Variants in TLCD4 observed in about 807,000 individuals in gnomAD.
The protein encoded by TLCD4 is TLC domain-containing protein 4.
Under a neutral mutation model 24.2 loss-of-function variants are expected in TLCD4, and 7 were observed. That is an observed-to-expected ratio of 0.29 (90% CI 0.16 to 0.54). TLCD4 has a LOEUF of 0.54. Ranked by LOEUF, TLCD4 falls within the 20% of genes least tolerant of loss-of-function variation. The pLI, the probability that TLCD4 is intolerant of heterozygous loss-of-function variation, is 0.95. For missense variants in TLCD4, 259 were observed against 313.9 expected, an observed-to-expected ratio of 0.82 and a Z score of 1.32; for synonymous variants, 103 against 106.4, an observed-to-expected ratio of 0.97 and a Z score of 0.20.
intron 1 of TLCD4, among the ~76,000 whole-genome samples, chr1:95,119,578 G>T (rs972317619): frequency 6.6e-6 from 1 of 152,158 alleles, no homozygotes; most frequent in African/African-American, 2.4e-5. Flanking sequence ...GCAGGTTTGG[G>T]AATGTACCTG....
intron 5 of TLCD4, among the ~76,000 whole-genome samples, chr1:95,155,436 G>A (rs1351558391): frequency 6.6e-6 from 1 of 152,048 alleles, no homozygotes; most frequent in Non-Finnish European, 1.5e-5. Context: ...CAACAATAAA[G>A]TATCAGAATT....
chr1:95,111,133 TAAAA>T, the TLCD4 span, among the ~76,000 whole-genome samples: 80,530 of 146,680 alleles, frequency 0.55, 22,271 homozygotes, highest in Admixed American at 0.64. Context: ...CCACATAAAA[TAAAA>T]AAAAAAAAAG....
At chr1:95,185,174 T>C (rs1678788065) in intron 6 of TLCD4, among the ~76,000 whole-genome samples, 1 of 152,180 alleles carries the variant, frequency 6.6e-6, no homozygotes, top group Admixed American at 6.5e-5. Flanking sequence ...TGACTCTCCT[T>C]TCAAAAAACT....
At chr1:95,153,512 A>G (rs1677547990) in intron 5 of TLCD4, among the ~76,000 whole-genome samples, 2 of 152,202 alleles carry the variant, frequency 1.3e-5, no homozygotes, top group African/African-American at 4.8e-5. Context: ...ATAAGGATAA[A>G]GAATGACCTG....
chr1:95,111,279 C>G, the TLCD4 span, among the ~76,000 whole-genome samples: 2 of 146,314 alleles, frequency 1.4e-5, no homozygotes, highest in African/African-American at 5.0e-5. Flanking sequence ...GGAAGACAGA[C>G]AGATTGTGTC....
At position 95,166,133 on chromosome 1, in the gene TLCD4, G is replaced by T. The variant is rs552031136; in HGVS notation, c.400-7683G>T. ...ATAGTTTTGGAACTTTTGAATAGCA[G>T]TCCCAGGTTGCAGTGAGCTGCTTAC... On this transcript the variant is annotated intron_variant, in intron 5 of 6. Coordinates refer to ENST00000370203, the MANE Select transcript of TLCD4 (RefSeq NM_152487.3). Among the ~76,000 whole-genome samples the T allele has an allele frequency of 1.1e-3, 162 of 152,280 alleles. 1 individual carries two copies. The highest frequency in any genetic ancestry group is 6.8e-3 in the South Asian group (33 of 4,822).
At position 95,193,550 on chromosome 1, in the gene TLCD4, C is replaced by G. The variant is rs1371579971; in HGVS notation, c.*1682C>G. ...TGAAGGAGAACGTTTGACTCACTTT[C>G]ATTGTTCATGCTAGCTGAATATAAT... is the stretch of plus-strand genomic sequence containing the variant. On this transcript the variant is annotated 3_prime_UTR_variant, in exon 7 of 7. Coordinates refer to ENST00000370203, the MANE Select transcript of TLCD4 (RefSeq NM_152487.3). 1 of 152,032 alleles carries G rather than the reference C, an allele frequency of 6.6e-6. No individual in the cohort carries two copies. Among genetic ancestry groups the G allele is most frequent in the East Asian group, 1.9e-4 (1 of 5,200 alleles). 9.4% of individuals were successfully genotyped at this position (152,032 alleles called of 1,614,324 possible).
chr1:95,118,906 C>G (rs893638965), intron 1 of TLCD4, among the ~76,000 whole-genome samples: 3 of 152,186 alleles, frequency 2.0e-5, no homozygotes, highest in African/African-American at 4.8e-5. Context: ...CCTGTGCCAT[C>G]TGATAACCCA....
chr1:95,173,714 G>T, intron 5 of TLCD4, 102 bp from the exon 6 acceptor site: 1 of 1,476,204 alleles, frequency 6.8e-7, no homozygotes, highest in South Asian at 1.2e-5. Context: ...TTTTGGTATT[G>T]ATTGTTATAT....
chr1:95,157,463 C>T (rs1677665329), intron 5 of TLCD4, among the ~76,000 whole-genome samples: 1 of 152,288 alleles, frequency 6.6e-6, no homozygotes, highest in Admixed American at 6.5e-5. Context: ...AATATGAAGG[C>T]TCTTCTGTTG....
At position 95,191,971 on chromosome 1, in the gene TLCD4, T is replaced by C; in HGVS notation, c.*103T>C. ...GTACCTTTCTTAATTATAATTGTTA[T>C]TCAGGATTTCAGTGTCATTTTTTTT... On this transcript the variant is annotated 3_prime_UTR_variant, in exon 7 of 7. Transcript: ENST00000370203. 6.8e-7 allele frequency: 1 copy of C among 1,464,306 alleles called. No homozygotes were observed. 90.7% of individuals were successfully genotyped at this position (1,464,306 alleles called of 1,614,324 possible).
At chr1:95,167,358 A>G (rs918457618) in intron 5 of TLCD4, among the ~76,000 whole-genome samples, 1 of 152,116 alleles carries the variant, frequency 6.6e-6, no homozygotes, top group Admixed American at 6.5e-5. Flanking sequence ...TAATTTGCTC[A>G]AATAGAGGAA....
intron 1 of TLCD4, among the ~76,000 whole-genome samples, chr1:95,140,340 G>A (rs770326787): frequency 1.6e-4 from 24 of 152,080 alleles, no homozygotes; most frequent in Non-Finnish European, 3.1e-4. Context: ...TGGCTACAGC[G>A]TCTCTAGGTG....
chr1:95,104,598 G>A, the TLCD4 span, among the ~76,000 whole-genome samples: 2 of 144,896 alleles, frequency 1.4e-5, no homozygotes, highest in Admixed American at 7.2e-5. Context: ...TCCGGGGGGC[G>A]GAGCCTGCAA....
chr1:95,188,548 TC>T (rs34381374), intron 6 of TLCD4, among the ~76,000 whole-genome samples: 1 of 151,968 alleles, frequency 6.6e-6, no homozygotes, highest in African/African-American at 2.4e-5. Flanking sequence ...TTGTTTCTTC[TC>T]CCCTATTCAT....
the TLCD4 span, among the ~76,000 whole-genome samples, chr1:95,105,822 G>A: frequency 6.7e-6 from 1 of 149,512 alleles, no homozygotes; most frequent in Non-Finnish European, 1.5e-5. Flanking sequence ...GTGAACCCGC[G>A]AGGCGGAGTT....
At chr1:95,143,549 A>C (rs1321098687) in intron 1 of TLCD4, among the ~76,000 whole-genome samples, 1 of 152,172 alleles carries the variant, frequency 6.6e-6, no homozygotes, top group African/African-American at 2.4e-5. Context: ...ATTTGTCATA[A>C]ATTTAATTGA....
Position 95,175,159 on chromosome 1 carries a change from T to C in TLCD4, c.473+1270T>C, listed in dbSNP as rs371515022. 2.2e-4 allele frequency among the ~76,000 whole-genome samples: 33 copies of C among 152,334 alleles called. No individual in the cohort carries two copies. The East Asian group carries it at 5.4e-3, about 25-fold the overall frequency. On this transcript the variant is annotated intron_variant, in intron 6 of 6. Coordinates refer to ENST00000370203, the MANE Select transcript of TLCD4 (RefSeq NM_152487.3). ...GCAACAGACCGTTAGAACTTTTTCA[T>C]TTTGCAAAATTGAAACTCTACGCCC... is the stretch of plus-strand genomic sequence containing the variant.
chr1:95,139,969 C>T (rs1251107440), intron 1 of TLCD4, among the ~76,000 whole-genome samples: 1 of 152,132 alleles, frequency 6.6e-6, no homozygotes, highest in East Asian at 1.9e-4. Flanking sequence ...CGTCCACCTC[C>T]ACATCTTGTC....
Sources: allele counts gnomAD v4.1 joint callset (sites outside exome capture counted in the v4.1 genomes callset), GRCh38; gene constraint gnomAD v4.1.1; transcripts MANE v1.5; gene names NCBI Gene and HGNC (gene_info 2026-07-23, HGNC 2026-07-21).